Variants in RBFOX1 observed in about 807,000 individuals in gnomAD.
RBFOX1 encodes the protein RNA binding protein fox-1 homolog 1.
Under a neutral mutation model 57.7 loss-of-function variants are expected in RBFOX1, and 8 were observed. The observed-to-expected ratio is 0.14, with a 90% confidence interval of 0.08 to 0.25. RBFOX1 has a LOEUF of 0.25. RBFOX1 is among the 10% of genes least tolerant of loss of function. RBFOX1 has a pLI of 1.00. For synonymous variants in RBFOX1, 326 were observed against 222.4 expected (o/e 1.47, Z -4.15); for missense variants, 611 against 548.5 (o/e 1.11, Z -1.14).
chr16:7,439,000 G>A (rs1361347112), intron 4 of RBFOX1, among the ~76,000 whole-genome samples: 1 of 152,196 alleles, frequency 6.6e-6, no homozygotes, highest in Non-Finnish European at 1.5e-5. Context: ...AATGAGGGCA[G>A]GTCGCGCTGT....
chr16:5,906,082 T>A (rs992453611), intron 4 of RBFOX1, among the ~76,000 whole-genome samples: 2 of 152,136 alleles, frequency 1.3e-5, no homozygotes, highest in Non-Finnish European at 2.9e-5. Context: ...CTGCTTGTTA[T>A]GTTCTTAGCT....
chr16:6,569,104 C>G (rs960434670), intron 2 of RBFOX1, among the ~76,000 whole-genome samples: 3 of 152,184 alleles, frequency 2.0e-5, no homozygotes, highest in African/African-American at 7.2e-5. Flanking sequence ...GTCAGCAGCC[C>G]AGCTTTGAAT....
intron 1 of RBFOX1, among the ~76,000 whole-genome samples, chr16:6,127,288 A>ATTTT (rs1567518344): frequency 3.7e-4 from 56 of 151,944 alleles, no homozygotes; most frequent in South Asian, 1.5e-3. Context: ...TTTTTTTAAA[A>ATTTT]AAAAAAAAAA....
At chr16:7,320,346 G>C (rs2096524669) in intron 4 of RBFOX1, among the ~76,000 whole-genome samples, 1 of 151,966 alleles carries the variant, frequency 6.6e-6, no homozygotes, top group South Asian at 2.1e-4. Context: ...TTCTGTTCTT[G>C]TGTTAGTTTA....
intron 4 of RBFOX1, among the ~76,000 whole-genome samples, chr16:5,886,083 C>G (rs1283676061): frequency 6.6e-6 from 1 of 152,198 alleles, no homozygotes; most frequent in Non-Finnish European, 1.5e-5. Flanking sequence ...GTGCCTCCTC[C>G]CCTTTAGCCT....
At chr16:6,836,691 G>A (rs1567482989) in intron 3 of RBFOX1, among the ~76,000 whole-genome samples, 1 of 152,160 alleles carries the variant, frequency 6.6e-6, no homozygotes, top group Non-Finnish European at 1.5e-5. Flanking sequence ...TTTATCCTGT[G>A]TGGACTATGA....
intron 4 of RBFOX1, among the ~76,000 whole-genome samples, chr16:7,148,420 T>A (rs1161829546): frequency 6.6e-6 from 1 of 152,242 alleles, no homozygotes; most frequent in Non-Finnish European, 1.5e-5. Context: ...TCACCTCATC[T>A]TAAGTTCCTT....
intron 3 of RBFOX1, among the ~76,000 whole-genome samples, chr16:6,679,237 G>A (rs940656710): frequency 1.9e-4 from 29 of 152,104 alleles, no homozygotes; most frequent in Non-Finnish European, 2.4e-4. Context: ...ATGAAATCGC[G>A]TTTTAAAGTT....
At chr16:6,978,353 A>G (rs962113027) in intron 3 of RBFOX1, among the ~76,000 whole-genome samples, 1 of 152,194 alleles carries the variant, frequency 6.6e-6, no homozygotes, top group African/African-American at 2.4e-5. Context: ...GCTGGTCTTT[A>G]TAATTAGATC....
chr16:6,673,971 C>T (rs920250678), intron 3 of RBFOX1, among the ~76,000 whole-genome samples: 1 of 152,102 alleles, frequency 6.6e-6, no homozygotes, highest in African/African-American at 2.4e-5. Context: ...AGGAAGGAGA[C>T]TCTAGGAAGG....
At position 5,702,447 on chromosome 16, in the gene RBFOX1, C is replaced by A. The variant is rs562620710; in HGVS notation, c.318+103486C>A. ...ATTCGACATGAGATTTGAGTGGGGG[C>A]ACAAATCCAAACCATATCACCTTGG... On this transcript the variant is annotated intron_variant, in intron 3 of 19. Transcript: ENST00000641259. Among the ~76,000 whole-genome samples, 87 of 152,274 alleles carry A rather than the reference C, an allele frequency of 5.7e-4. 1 individual carries two copies. Among genetic ancestry groups the A allele is most frequent in the Non-Finnish European group, 9.3e-4 (63 of 68,024 alleles).
At chr16:5,949,540 A>G (rs1457341346) in intron 4 of RBFOX1, among the ~76,000 whole-genome samples, 4 of 141,104 alleles carry the variant, frequency 2.8e-5, no homozygotes, top group Non-Finnish European at 4.5e-5. Flanking sequence ...AAAAAAAAAA[A>G]AAAAAGAAAA....
intron 4 of RBFOX1, among the ~76,000 whole-genome samples, chr16:7,346,699 C>A (rs1401402526): frequency 6.6e-6 from 1 of 152,024 alleles, no homozygotes; most frequent in Non-Finnish European, 1.5e-5. Flanking sequence ...TTGATGTCAA[C>A]TTACCTCTTA....
chr16:6,734,919 C>T (rs1410879664), intron 3 of RBFOX1, among the ~76,000 whole-genome samples: 5 of 152,224 alleles, frequency 3.3e-5, no homozygotes, highest in South Asian at 2.1e-4. Context: ...TGTGTTGCCT[C>T]GCTTGAGCCC....
At chr16:7,142,279 C>G (rs1600797651) in intron 4 of RBFOX1, among the ~76,000 whole-genome samples, 1 of 152,144 alleles carries the variant, frequency 6.6e-6, no homozygotes, top group East Asian at 1.9e-4. Context: ...CCACCTCAGC[C>G]TTCCAAAGTG....
intron 14 of RBFOX1, among the ~76,000 whole-genome samples, chr16:7,677,656 G>T (rs1399234654): frequency 6.6e-6 from 1 of 152,120 alleles, no homozygotes; most frequent in Non-Finnish European, 1.5e-5. Context: ...CAACTCCTTG[G>T]CTCTGTTTTC....
chr16:5,954,151 C>T (rs1299584078), intron 4 of RBFOX1, among the ~76,000 whole-genome samples: 1 of 152,172 alleles, frequency 6.6e-6, no homozygotes, highest in Non-Finnish European at 1.5e-5. Context: ...AACCTCTTCC[C>T]TTGTGTTTGC....
At chr16:6,989,876 G>T (rs1055388146) in intron 3 of RBFOX1, among the ~76,000 whole-genome samples, 1 of 151,926 alleles carries the variant, frequency 6.6e-6, no homozygotes, top group African/African-American at 2.4e-5. Flanking sequence ...GATGGGCACC[G>T]TATAATCCCA....
At chr16:7,504,779 A>T (rs1413575500) in intron 4 of RBFOX1, among the ~76,000 whole-genome samples, 3 of 17,286 alleles carry the variant, frequency 1.7e-4, no homozygotes, top group African/African-American at 3.9e-4. Flanking sequence ...ATTTATATAT[A>T]TATATATTTA....
Sources: allele counts gnomAD v4.1 joint callset (sites outside exome capture counted in the v4.1 genomes callset), GRCh38; gene constraint gnomAD v4.1.1; transcripts MANE v1.5; gene names NCBI Gene and HGNC (gene_info 2026-07-23, HGNC 2026-07-21).